Variants in BCAS1 observed in about 807,000 individuals in gnomAD.
BCAS1 encodes breast carcinoma-amplified sequence 1.
In BCAS1, 46 loss-of-function variants were observed where a neutral mutation model predicts 65.4. The ratio of observed to expected loss-of-function variants is 0.70; its 90% CI spans 0.55 to 0.90. The LOEUF is 0.90. Ranked by LOEUF, BCAS1 falls within the 40% of genes least tolerant of loss-of-function variation. BCAS1 has a pLI of 0.00. For synonymous variants in BCAS1, 298 were observed against 293.5 expected, an observed-to-expected ratio of 1.02 and a Z score of -0.16; for missense variants, 793 against 771.2, an observed-to-expected ratio of 1.03 and a Z score of -0.33.
At chr20:54,011,252 T>C (rs1023096387) in intron 4 of BCAS1, among the ~76,000 whole-genome samples, 3 of 151,914 alleles carry the variant, frequency 2.0e-5, no homozygotes, top group Non-Finnish European at 2.9e-5. Flanking sequence ...AACTAAAAAA[T>C]TTTGCCCTGT....
At chr20:53,953,719 C>A in intron 11 of BCAS1, 24 bp from the exon 12 acceptor site, 1 of 1,601,068 alleles carries the variant, frequency 6.2e-7, no homozygotes, top group Non-Finnish European at 8.5e-7. Flanking sequence ...AAACAAAGTA[C>A]ATTTTTAGTG....
intron 8 of BCAS1, among the ~76,000 whole-genome samples, chr20:53,978,293 C>G (rs1392804191): frequency 6.6e-6 from 1 of 152,082 alleles, no homozygotes. Context: ...TGTACCACCT[C>G]TATTCAGTTG....
chr20:53,992,644 T>C lies in BCAS1; in HGVS notation c.930A>G (p.Ala310=), dbSNP rs1172633574. 3 of 1,366,226 alleles carry C rather than the reference T, an allele frequency of 2.2e-6. No individual in the cohort carries two copies. The highest frequency in any genetic ancestry group is 2.1e-4 in the Middle Eastern group (1 of 4,764). The allele number at this position is 1,366,226 out of a possible 1,614,324, so 84.6% of individuals were successfully genotyped here. A position where few individuals can be genotyped will look rare whatever the true frequency, so the allele number is the denominator to read the frequency against. ...AETKKDPEDT[A]SKAESVCDGQ... is the part of the protein sequence containing the mutation. The stretch of plus-strand genomic sequence containing the variant: ...CATCACAGACACTTTCTGCTTTCGA[T>C]GCCTTTGGGGCAACAGCAGTCACAA... The change falls in exon 7 of 13, where the codon GCA becomes GCG. Residue 310 remains alanine (A), a splice_region_variant and synonymous_variant. Transcript: ENST00000688948.
At chr20:54,019,658 A>G (rs1036726895) in intron 4 of BCAS1, among the ~76,000 whole-genome samples, 2 of 152,228 alleles carry the variant, frequency 1.3e-5, no homozygotes, top group Non-Finnish European at 2.9e-5. Flanking sequence ...GGCACCTTCC[A>G]ATCGGCTGGC....
intron 1 of BCAS1, among the ~76,000 whole-genome samples, chr20:54,061,503 T>C (rs1037339779): frequency 6.6e-6 from 1 of 152,230 alleles, no homozygotes; most frequent in South Asian, 2.1e-4. Context: ...ATTAGGACTT[T>C]TGATTTCTGG....
At chr20:54,059,617 T>G (rs2092352046) in intron 1 of BCAS1, among the ~76,000 whole-genome samples, 1 of 152,094 alleles carries the variant, frequency 6.6e-6, no homozygotes, top group Admixed American at 6.6e-5. Context: ...TTCTGAGAAA[T>G]GCATCATTAG....
chr20:53,975,487 T>C (rs2302039), intron 8 of BCAS1, 57 bp from the exon 9 acceptor site: 255,632 of 1,490,448 alleles, frequency 0.17, 23,202 homozygotes, highest in Middle Eastern at 0.23. Flanking sequence ...ACAAAATTGT[T>C]ACATAAAAGC....
intron 6 of BCAS1, among the ~76,000 whole-genome samples, chr20:53,993,844 G>A (rs2090829639): frequency 6.6e-6 from 1 of 152,116 alleles, no homozygotes; most frequent in Non-Finnish European, 1.5e-5. Flanking sequence ...AATTCTCGAG[G>A]AAACCAAGAA....
At chr20:53,994,630 C>A (rs2090853412) in intron 6 of BCAS1, among the ~76,000 whole-genome samples, 1 of 152,132 alleles carries the variant, frequency 6.6e-6, no homozygotes, top group Non-Finnish European at 1.5e-5. Flanking sequence ...AAGCTTTCTT[C>A]TACTTTACAT....
intron 10 of BCAS1, 57 bp from the exon 11 acceptor site, chr20:53,957,554 C>G (rs1306008035): frequency 1.3e-6 from 2 of 1,507,536 alleles, no homozygotes; most frequent in Non-Finnish European, 1.8e-6. Context: ...GTGGAGAATG[C>G]AAGAAAGTTC....
At chr20:53,967,837 G>A (rs139205459) in intron 9 of BCAS1, among the ~76,000 whole-genome samples, 182 of 152,278 alleles carry the variant, frequency 1.2e-3, no homozygotes, top group African/African-American at 3.6e-3. Flanking sequence ...TTTGTACAGG[G>A]CCCCAGTCAC....
Position 54,035,267 on chromosome 20 carries a change from G to A in BCAS1, c.143-6295C>T, listed in dbSNP as rs551205481. Among the ~76,000 whole-genome samples the A allele has an allele frequency of 2.0e-4, 30 of 150,472 alleles. 2 individuals are homozygous for A. Among genetic ancestry groups the A allele is most frequent in the Non-Finnish European group, 3.7e-4 (25 of 67,256 alleles). On this transcript the variant is annotated intron_variant, in intron 3 of 12. Transcript: ENST00000688948. The stretch of plus-strand genomic sequence containing the variant: ...TACAAAAAATTAGCCGGGTGTGGTG[G>A]CAGGCGCCTGTAGTCCCAGCTACTT...
At chr20:54,018,327 G>C (rs16998745) in intron 4 of BCAS1, among the ~76,000 whole-genome samples, 9,392 of 152,118 alleles carry the variant, frequency 0.062, 540 homozygotes, top group East Asian at 0.31. Context: ...CTACCTGCTG[G>C]GGAATCTAAA....
intron 3 of BCAS1, among the ~76,000 whole-genome samples, chr20:54,034,938 C>A (rs1392840676): frequency 6.6e-6 from 1 of 151,282 alleles, no homozygotes; most frequent in Non-Finnish European, 1.5e-5. Flanking sequence ...AAAACAGACA[C>A]ATAGACCAAT....
intron 12 of BCAS1, among the ~76,000 whole-genome samples, chr20:53,951,325 G>A (rs1443378477): frequency 6.6e-6 from 1 of 151,988 alleles, no homozygotes; most frequent in East Asian, 1.9e-4. Flanking sequence ...TACAAAATTA[G>A]CCAGGCGTGG....
At chr20:54,044,894 T>C (rs567422650) in intron 3 of BCAS1, among the ~76,000 whole-genome samples, 1 of 151,686 alleles carries the variant, frequency 6.6e-6, no homozygotes, top group African/African-American at 2.4e-5. Flanking sequence ...CTTTTAATAT[T>C]GGATAAACAT....
chr20:54,051,714 G>GT (rs147951998), intron 3 of BCAS1, among the ~76,000 whole-genome samples: 62 of 129,604 alleles, frequency 4.8e-4, no homozygotes, highest in African/African-American at 1.4e-3. Flanking sequence ...GACTATGCTG[G>GT]TTTTTTTTTT....
intron 7 of BCAS1, among the ~76,000 whole-genome samples, chr20:53,988,080 C>T (rs564403365): frequency 1.4e-4 from 22 of 152,264 alleles, no homozygotes; most frequent in Non-Finnish European, 2.6e-4. Context: ...ATCAATCTGC[C>T]GAAGTCATTA....
chr20:53,992,697 T>G (rs747943128), intron 6 of BCAS1, 51 bp from the exon 7 acceptor site: 14 of 1,358,490 alleles, frequency 1.0e-5, no homozygotes, highest in Non-Finnish European at 1.4e-5. Context: ...TGAACAAAAT[T>G]CTTTTTGTTT....
Sources: allele counts gnomAD v4.1 joint callset (sites outside exome capture counted in the v4.1 genomes callset), GRCh38; gene constraint gnomAD v4.1.1; transcripts MANE v1.5; gene names NCBI Gene and HGNC (gene_info 2026-07-23, HGNC 2026-07-21).